ITGA9: variants seen among roughly 807,000 people sequenced by gnomAD.
The protein encoded by ITGA9 is integrin subunit alpha 9.
ITGA9 carries 56 observed loss-of-function variants against 127.8 expected under a neutral mutation model. That is an observed-to-expected ratio of 0.44 (90% CI 0.35 to 0.55). ITGA9 has a LOEUF of 0.55. Among genes scored for constraint, ITGA9 ranks in the 20% least tolerant of loss-of-function variants. ITGA9 has a pLI of 0.00. For missense variants in ITGA9, 1,196 were observed against 1,347.1 expected (o/e 0.89, Z 1.76); for synonymous variants, 508 against 514.5 (o/e 0.99, Z 0.17).
intron 18 of ITGA9, among the ~76,000 whole-genome samples, chr3:37,708,506 G>C (rs532672817): frequency 2.6e-5 from 4 of 152,272 alleles, no homozygotes; most frequent in African/African-American, 9.6e-5. Context: ...CTGAGCGGTA[G>C]GTATAATTAT....
chr3:37,633,983 G>A (rs1350474121), intron 16 of ITGA9, among the ~76,000 whole-genome samples: 5 of 152,180 alleles, frequency 3.3e-5, no homozygotes, highest in Non-Finnish European at 7.3e-5. Context: ...CCGTCTCTAT[G>A]TCATGGTTAA....
At chr3:37,702,449 G>T in intron 18 of ITGA9, among the ~76,000 whole-genome samples, 1 of 152,194 alleles carries the variant, frequency 6.6e-6, no homozygotes, top group East Asian at 1.9e-4. Context: ...GCTGTGTATT[G>T]AGAGGTCTTC....
Position 37,602,190 on chromosome 3 carries a change from A to G in ITGA9, c.1690-26997A>G, listed in dbSNP as rs145200905. Among the ~76,000 whole-genome samples, 180 of 151,906 alleles carry G rather than the reference A, an allele frequency of 1.2e-3. 1 individual carries two copies. Among genetic ancestry groups the G allele is most frequent in the African/African-American group, 4.0e-3 (167 of 41,548 alleles). The stretch of plus-strand genomic sequence containing the variant: ...AACAAATCATATTCAAACCATAGCA[A>G]TTAGAATCTTAAAATCAAAATTGAT... On this transcript the variant is annotated intron_variant, in intron 15 of 27. Coordinates refer to ENST00000264741, the MANE Select transcript of ITGA9 (RefSeq NM_002207.3).
Position 37,766,195 on chromosome 3 carries a change from C to T in ITGA9, c.2542-11197C>T, listed in dbSNP as rs530847465. ...GGACTAATTGTGTATGCTTCGGAAG[C>T]GCAAAAACAGGAAAACGCTTTTCTG... On this transcript the variant is annotated intron_variant, in intron 23 of 27. Transcript: ENST00000264741. 6.0e-4 allele frequency among the ~76,000 whole-genome samples: 92 copies of T among 152,292 alleles called. 2 individuals are homozygous for T. The highest frequency in any genetic ancestry group is 8.3e-4 in the South Asian group (4 of 4,828).
At chr3:37,682,466 C>T (rs964346829) in intron 17 of ITGA9, among the ~76,000 whole-genome samples, 2 of 152,224 alleles carry the variant, frequency 1.3e-5, no homozygotes, top group Non-Finnish European at 2.9e-5. Flanking sequence ...CTTCTCTAGC[C>T]ATGCTTTTCC....
At chr3:37,513,058 G>A (rs1579077394) in intron 8 of ITGA9, among the ~76,000 whole-genome samples, 2 of 152,158 alleles carry the variant, frequency 1.3e-5, no homozygotes, top group Non-Finnish European at 2.9e-5. Context: ...CCTGTGCATA[G>A]GACCAGGAGA....
chr3:37,522,982 C>T (rs1034081836), intron 11 of ITGA9, among the ~76,000 whole-genome samples: 3 of 152,182 alleles, frequency 2.0e-5, no homozygotes, highest in African/African-American at 7.2e-5. Flanking sequence ...TATAGATCAT[C>T]TGGTTGGCTG....
chr3:37,466,816 T>A (rs1460908863), intron 1 of ITGA9, among the ~76,000 whole-genome samples: 2 of 152,214 alleles, frequency 1.3e-5, no homozygotes, highest in Non-Finnish European at 2.9e-5. Flanking sequence ...GATGCTTTGT[T>A]GATGGCAGCC....
chr3:37,474,529 G>A (rs539492553), intron 3 of ITGA9, among the ~76,000 whole-genome samples: 5 of 142,590 alleles, frequency 3.5e-5, no homozygotes, highest in South Asian at 2.2e-4. Flanking sequence ...AGCTGTGAGT[G>A]CACAGCCCGA....
At chr3:37,593,344 T>C (rs1471736539) in intron 15 of ITGA9, among the ~76,000 whole-genome samples, 1 of 152,260 alleles carries the variant, frequency 6.6e-6, no homozygotes, top group African/African-American at 2.4e-5. Context: ...TGAATATTTT[T>C]GATCTGTGGT....
intron 17 of ITGA9, among the ~76,000 whole-genome samples, chr3:37,681,319 A>G (rs1316916186): frequency 6.6e-6 from 1 of 152,166 alleles, no homozygotes; most frequent in East Asian, 1.9e-4. Context: ...CCAGGGTTCC[A>G]CCTCTGGGCC....
chr3:37,716,175 G>T (rs2125681126), intron 18 of ITGA9, among the ~76,000 whole-genome samples: 1 of 152,288 alleles, frequency 6.6e-6, no homozygotes, highest in South Asian at 2.1e-4. Context: ...CAAAGAAGGT[G>T]CCAGGAGCCC....
intron 13 of ITGA9, among the ~76,000 whole-genome samples, chr3:37,530,052 A>C (rs1219203764): frequency 6.6e-6 from 1 of 152,244 alleles, no homozygotes; most frequent in Non-Finnish European, 1.5e-5. Context: ...CCAGGAGGAC[A>C]AGGGAATCAG....
intron 16 of ITGA9, among the ~76,000 whole-genome samples, chr3:37,633,319 A>T (rs917453108): frequency 1.3e-5 from 2 of 152,210 alleles, no homozygotes; most frequent in Non-Finnish European, 2.9e-5. Context: ...CGATGGGGTT[A>T]TGTCCCAATA....
chr3:37,457,173 A>G (rs982466573), intron 1 of ITGA9, among the ~76,000 whole-genome samples: 5 of 152,254 alleles, frequency 3.3e-5, no homozygotes, highest in African/African-American at 1.2e-4. Flanking sequence ...CCTGCTGAAG[A>G]GGTTGAATTG....
intron 23 of ITGA9, among the ~76,000 whole-genome samples, chr3:37,750,901 C>G (rs1240097523): frequency 6.6e-6 from 1 of 152,224 alleles, no homozygotes; most frequent in Admixed American, 6.5e-5. Flanking sequence ...GCATTTTGCA[C>G]AGGGAAAGTG....
rs1283462958 is a variant in ITGA9 at position 37,750,503 on chromosome 3, C to G, written c.2475C>G (p.Val825=). 1 of 1,613,778 alleles carries G rather than the reference C, an allele frequency of 6.2e-7. No homozygotes were observed. The highest frequency in any genetic ancestry group is 1.7e-5 in the Admixed American group (1 of 60,024). ...CAAGCACCCTTCCAGGGTCATCTGTCAGCATCTCTTTCCCTAATCGACTCT... is the reference window on the plus strand; with the variant it reads ...CAAGCACCCTTCCAGGGTCATCTGTGAGCATCTCTTTCCCTAATCGACTCT... ...TGPSTLPGSS[V]SISFPNRLSS... is the part of the protein sequence containing the mutation. Residue 825 remains valine (V), a synonymous_variant, in exon 23 of 28, where the codon GTC becomes GTG. Coordinates refer to ENST00000264741, the MANE Select transcript of ITGA9 (RefSeq NM_002207.3).
At chr3:37,762,552 G>A (rs1696735339) in intron 23 of ITGA9, among the ~76,000 whole-genome samples, 1 of 152,150 alleles carries the variant, frequency 6.6e-6, no homozygotes, top group Admixed American at 6.5e-5. Flanking sequence ...TTGTAAAGGT[G>A]TCAGACTCAA....
chr3:37,490,781 C>T (rs1698661807), intron 4 of ITGA9, among the ~76,000 whole-genome samples: 1 of 152,026 alleles, frequency 6.6e-6, no homozygotes, highest in Admixed American at 6.6e-5. Context: ...GCAGCTAAAC[C>T]AAGGAAAATA....
Sources: gnomAD v4.1 joint callset for allele counts (sites outside exome capture counted in the v4.1 genomes callset) on GRCh38, gnomAD v4.1.1 for gene constraint, MANE v1.5 for transcripts, NCBI Gene and HGNC (gene_info 2026-07-23, HGNC 2026-07-21) for gene names.